Variants in NXPE4 observed in about 807,000 individuals in gnomAD.
NXPE4 encodes the protein NXPE family member 4.
Under a neutral mutation model 33.3 loss-of-function variants are expected in NXPE4, and 42 were observed. The observed-to-expected ratio is 1.26, with a 90% CI of 0.98 to 1.63. NXPE4 has a LOEUF of 1.63. Ranked by LOEUF, NXPE4 falls within the 40% of genes most tolerant of loss-of-function variation. NXPE4 has a pLI of 0.00. For missense variants in NXPE4, 709 were observed against 647.6 expected, an observed-to-expected ratio of 1.09 and a Z score of -1.03; for synonymous variants, 253 against 234.9, an observed-to-expected ratio of 1.08 and a Z score of -0.71.
chr11:114,626,414 A>T, the NXPE4 span, among the ~76,000 whole-genome samples: 1 of 152,212 alleles, frequency 6.6e-6, no homozygotes, highest in Non-Finnish European at 1.5e-5. Flanking sequence ...CAACAGGGGC[A>T]GACTGACACC....
the NXPE4 span, among the ~76,000 whole-genome samples, chr11:114,656,782 C>T: frequency 1.3e-5 from 2 of 151,776 alleles, no homozygotes; most frequent in South Asian, 4.1e-4. Flanking sequence ...TATAAAATAC[C>T]CTTAAAATAG....
At chr11:114,654,245 G>C in the NXPE4 span, among the ~76,000 whole-genome samples, 3 of 151,860 alleles carry the variant, frequency 2.0e-5, no homozygotes, top group African/African-American at 7.3e-5. Flanking sequence ...AGCCCCTCAG[G>C]AGCTTTGAAT....
At chr11:114,616,843 A>G in the NXPE4 span, among the ~76,000 whole-genome samples, 1 of 151,830 alleles carries the variant, frequency 6.6e-6, no homozygotes, top group Non-Finnish European at 1.5e-5. Context: ...TACCCAGTAG[A>G]TAATAAATAT....
In NXPE4 at chr11:114,592,272, C is replaced by T. The variant is rs73557434; in HGVS notation, c.96+2392G>A. Among the ~76,000 whole-genome samples the T allele has an allele frequency of 5.4e-3, 827 of 152,206 alleles. 3 individuals carry two copies. The highest frequency in any genetic ancestry group is 0.019 in the African/African-American group (769 of 41,546). ...ACCACATAAACTTATATTTAGAACA[C>T]TCCATAGACTTCAGTGAAAAACTGT... On this transcript the variant is annotated intron_variant, in intron 2 of 5. Transcript: ENST00000375478.
At chr11:114,670,545 A>G in the NXPE4 span, among the ~76,000 whole-genome samples, 1 of 151,898 alleles carries the variant, frequency 6.6e-6, no homozygotes, top group Non-Finnish European at 1.5e-5. Context: ...TTAAAGAAGT[A>G]GCCAGGCATA....
the NXPE4 span, among the ~76,000 whole-genome samples, chr11:114,630,985 C>T: frequency 6.6e-6 from 1 of 150,874 alleles, no homozygotes; most frequent in Non-Finnish European, 1.5e-5. Flanking sequence ...TACCATCTCA[C>T]ACCAGTTAGA....
chr11:114,579,971 GT>G (rs1344247499), intron 5 of NXPE4, among the ~76,000 whole-genome samples, 160 bp downstream of exon 5: 2 of 151,970 alleles, frequency 1.3e-5, no homozygotes, highest in Non-Finnish European at 2.9e-5. Flanking sequence ...TAGCTGTATT[GT>G]TTTTTTAAAG....
At chr11:114,631,074 T>G in the NXPE4 span, among the ~76,000 whole-genome samples, 8 of 151,944 alleles carry the variant, frequency 5.3e-5, no homozygotes, top group African/African-American at 1.9e-4. Flanking sequence ...ACACTGTTGG[T>G]GGGACTGTAA....
the NXPE4 span, among the ~76,000 whole-genome samples, chr11:114,629,269 C>T: frequency 6.6e-6 from 1 of 152,064 alleles, no homozygotes; most frequent in African/African-American, 2.4e-5. Flanking sequence ...CAAAAATCCT[C>T]AATAAAATAC....
the NXPE4 span, among the ~76,000 whole-genome samples, chr11:114,601,736 TATA>T: frequency 3.3e-3 from 241 of 72,980 alleles, 9 homozygotes; most frequent in African/African-American, 0.012. Context: ...ATATATTATA[TATA>T]ATTATAATAT....
chr11:114,637,116 CTCAGGACTTGCTTTATGAA>C, the NXPE4 span, among the ~76,000 whole-genome samples: 1 of 151,728 alleles, frequency 6.6e-6, no homozygotes, highest in African/African-American at 2.4e-5. Flanking sequence ...TTGTAGGTCA[CTCAGGACTTGCTTTATGAA>C]TCTAGGTGCT....
chr11:114,615,129 A>G, the NXPE4 span, among the ~76,000 whole-genome samples: 1 of 151,938 alleles, frequency 6.6e-6, no homozygotes, highest in Admixed American at 6.6e-5. Flanking sequence ...ACAGGTGCAT[A>G]ATAAGTGTTA....
the NXPE4 span, among the ~76,000 whole-genome samples, chr11:114,671,022 T>G: frequency 0.015 from 2,191 of 148,886 alleles, 41 homozygotes; most frequent in African/African-American, 0.051. Context: ...AAGGAGAGAT[T>G]GTCAATAAGG....
At chr11:114,624,271 T>A in the NXPE4 span, among the ~76,000 whole-genome samples, 2 of 151,998 alleles carry the variant, frequency 1.3e-5, no homozygotes, top group Non-Finnish European at 2.9e-5. Context: ...TAATAAATAT[T>A]GCCTCGTGAG....
intron 2 of NXPE4, among the ~76,000 whole-genome samples, chr11:114,592,828 C>G (rs2135290557): frequency 6.6e-6 from 1 of 152,186 alleles, no homozygotes; most frequent in Middle Eastern, 3.4e-3. Flanking sequence ...AATATAGTCA[C>G]ATACACCAAT....
At chr11:114,601,954 AAT>A in the NXPE4 span, among the ~76,000 whole-genome samples, 5 of 82,120 alleles carry the variant, frequency 6.1e-5, no homozygotes, top group Non-Finnish European at 1.0e-4. Flanking sequence ...AATTATATAT[AAT>A]ATTATATATT....
the NXPE4 span, among the ~76,000 whole-genome samples, chr11:114,638,092 CA>C: frequency 1.2e-4 from 18 of 151,560 alleles, no homozygotes; most frequent in Non-Finnish European, 2.4e-4. Context: ...CCGTCACTTT[CA>C]GGTACACCAA....
chr11:114,671,584 C>T, the NXPE4 span, among the ~76,000 whole-genome samples: 1 of 151,930 alleles, frequency 6.6e-6, no homozygotes, highest in South Asian at 2.1e-4. Context: ...ATAAGACTAA[C>T]AACTGACTTT....
At chr11:114,627,649 G>T in the NXPE4 span, among the ~76,000 whole-genome samples, 264 of 151,546 alleles carry the variant, frequency 1.7e-3, 1 homozygote, top group Middle Eastern at 3.4e-3. Flanking sequence ...ATAATGACAG[G>T]ATCAAATTCA....
Sources: allele counts gnomAD v4.1 joint callset (sites outside exome capture counted in the v4.1 genomes callset), GRCh38; gene constraint gnomAD v4.1.1; transcripts MANE v1.5; gene names NCBI Gene and HGNC (gene_info 2026-07-23, HGNC 2026-07-21).